Variants in TTC28 observed in about 807,000 individuals in gnomAD.
TTC28 encodes tetratricopeptide repeat domain 28.
TTC28 carries 61 observed loss-of-function variants against 198.0 expected under a neutral mutation model. The ratio of observed to expected loss-of-function variants is 0.31; its 90% CI spans 0.25 to 0.38. The LOEUF (loss-of-function observed/expected upper bound fraction) is 0.38. TTC28 is among the 10% of genes least tolerant of loss of function. The pLI is 1.00. For synonymous variants in TTC28, 1,171 were observed against 1,297.8 expected (o/e 0.90, Z 2.10); for missense variants, 2,678 against 3,164.0 (o/e 0.85, Z 3.69).
At chr22:28,283,441 A>G (rs1223905355) in intron 5 of TTC28, among the ~76,000 whole-genome samples, 1 of 152,168 alleles carries the variant, frequency 6.6e-6, no homozygotes, top group Non-Finnish European at 1.5e-5. Context: ...AGGTCCAAGA[A>G]AAATAGCACT....
At chr22:28,196,374 A>T (rs1287122754) in intron 5 of TTC28, among the ~76,000 whole-genome samples, 1 of 152,200 alleles carries the variant, frequency 6.6e-6, no homozygotes, top group Non-Finnish European at 1.5e-5. Context: ...GGACATAGGC[A>T]TGGCCAAGGA....
At chr22:28,222,416 A>G (rs1927951597) in intron 5 of TTC28, among the ~76,000 whole-genome samples, 1 of 152,230 alleles carries the variant, frequency 6.6e-6, no homozygotes, top group Non-Finnish European at 1.5e-5. Context: ...TTTTGCTGAC[A>G]AGAAAAACAT....
chr22:28,600,477 G>C (rs926810451), intron 2 of TTC28, among the ~76,000 whole-genome samples: 1 of 152,096 alleles, frequency 6.6e-6, no homozygotes, highest in Admixed American at 6.6e-5. Context: ...AACAAAAATT[G>C]ATATAGAGCA....
chr22:28,551,105 T>C (rs1260265675), intron 2 of TTC28, among the ~76,000 whole-genome samples: 1 of 151,918 alleles, frequency 6.6e-6, no homozygotes, highest in Non-Finnish European at 1.5e-5. Flanking sequence ...AGCAACACAA[T>C]AATAGTGAGG....
chr22:28,432,806 T>C (rs572053969), intron 2 of TTC28, among the ~76,000 whole-genome samples: 7 of 152,368 alleles, frequency 4.6e-5, no homozygotes, highest in Admixed American at 4.6e-4. Context: ...CTTTGCATCA[T>C]CTACAGTAAC....
intron 1 of TTC28, among the ~76,000 whole-genome samples, chr22:28,648,479 A>G (rs1202463387): frequency 6.6e-6 from 1 of 152,244 alleles, no homozygotes; most frequent in Non-Finnish European, 1.5e-5. Flanking sequence ...TAATCCAACA[A>G]TCCCACTACT....
intron 5 of TTC28, among the ~76,000 whole-genome samples, chr22:28,269,433 A>T (rs1931904331): frequency 1.3e-5 from 2 of 152,048 alleles, no homozygotes; most frequent in Non-Finnish European, 2.9e-5. Flanking sequence ...ATTTTTGTAC[A>T]TTGCCCACTC....
Position 28,493,280 on chromosome 22 carries a change from C to T in TTC28, c.381+136272G>A, listed in dbSNP as rs377093066. Among the ~76,000 whole-genome samples, 18 of 151,988 alleles carry T rather than the reference C, an allele frequency of 1.2e-4. No individual in the cohort carries two copies. In the South Asian group the frequency reaches 3.7e-3, roughly 32 times the overall value. On this transcript the variant is annotated intron_variant, in intron 2 of 22. Transcript: ENST00000397906. ...CTGAGGTAAGAGAATTGCTTGAACC[C>T]GGGAGACAGAGGTTGCAGTGAGCAG...
At chr22:28,188,325 A>G (rs1253964709) in intron 5 of TTC28, among the ~76,000 whole-genome samples, 2 of 152,198 alleles carry the variant, frequency 1.3e-5, no homozygotes, top group Non-Finnish European at 2.9e-5. Flanking sequence ...TAGCTAATTT[A>G]GTAGGACAGA....
chr22:28,532,471 CA>C (rs780746246), intron 2 of TTC28, among the ~76,000 whole-genome samples: 2 of 152,190 alleles, frequency 1.3e-5, no homozygotes, highest in Non-Finnish European at 2.9e-5. Context: ...CGAATTCTAC[CA>C]GTGGTACAAA....
rs1025004932 is a variant in TTC28 at position 28,245,702 on chromosome 22, T to G, written c.933+50496A>C. On this transcript the variant is annotated intron_variant, in intron 5 of 22. Coordinates refer to ENST00000397906, the MANE Select transcript of TTC28 (RefSeq NM_001145418.2). The stretch of plus-strand genomic sequence containing the variant: ...TTGTAGTCTTTCTCATTGGCACTTT[T>G]GTCTTTAATGTTGGATCAAGCTAAT... 2.0e-5 allele frequency among the ~76,000 whole-genome samples: 3 copies of G among 152,218 alleles called. No individual in the cohort carries two copies. The East Asian group carries it at 5.8e-4, about 29-fold the overall frequency.
chr22:28,261,243 T>A (rs1461584583), intron 5 of TTC28, among the ~76,000 whole-genome samples: 1 of 152,124 alleles, frequency 6.6e-6, no homozygotes, highest in East Asian at 1.9e-4. Flanking sequence ...TAAAAAAGTC[T>A]GTCATCATAG....
intron 6 of TTC28, among the ~76,000 whole-genome samples, chr22:28,148,186 A>C (rs1476585814): frequency 6.6e-6 from 1 of 152,208 alleles, no homozygotes; most frequent in African/African-American, 2.4e-5. Flanking sequence ...GAGGGAGAAA[A>C]TTCTCCTCAA....
chr22:28,344,444 C>A (rs952371912), intron 2 of TTC28, among the ~76,000 whole-genome samples: 1 of 152,002 alleles, frequency 6.6e-6, no homozygotes, highest in African/African-American at 2.4e-5. Flanking sequence ...GACACTGACA[C>A]CACTAGCCAA....
intron 5 of TTC28, among the ~76,000 whole-genome samples, chr22:28,166,531 C>T (rs1040208306): frequency 6.6e-6 from 1 of 152,194 alleles, no homozygotes; most frequent in African/African-American, 2.4e-5. Context: ...CTCAAAACCG[C>T]TCAACTACAT....
intron 5 of TTC28, among the ~76,000 whole-genome samples, chr22:28,288,411 A>T (rs2044726647): frequency 6.6e-6 from 1 of 152,262 alleles, no homozygotes; most frequent in South Asian, 2.1e-4. Context: ...CCTAATAGAA[A>T]TAAGTGCGAT....
At chr22:28,083,009 C>T (rs748530214) in intron 12 of TTC28, among the ~76,000 whole-genome samples, 26 of 150,610 alleles carry the variant, frequency 1.7e-4, no homozygotes, top group Non-Finnish European at 3.4e-4. Context: ...AAATATATTT[C>T]TATAAATCTG....
At chr22:28,591,040 CATATATATATATATATAT>C (rs377761638) in intron 2 of TTC28, among the ~76,000 whole-genome samples, 33 of 30,754 alleles carry the variant, frequency 1.1e-3, no homozygotes, top group African/African-American at 4.1e-3. Context: ...CACACACACA[CATATATATATATATATAT>C]ATATATATAT....
At chr22:28,401,192 G>GGGAGGA (rs71194765) in intron 2 of TTC28, among the ~76,000 whole-genome samples, 7,326 of 151,718 alleles carry the variant, frequency 0.048, 241 homozygotes, top group African/African-American at 0.09. Flanking sequence ...AAAGGAGGGG[G>GGGAGGA]GGAGGAGGAG....
Sources: allele counts gnomAD v4.1 joint callset (sites outside exome capture counted in the v4.1 genomes callset), GRCh38; gene constraint gnomAD v4.1.1; transcripts MANE v1.5; gene names NCBI Gene and HGNC (gene_info 2026-07-23, HGNC 2026-07-21).